GLRA1: variants seen among roughly 807,000 people sequenced by gnomAD.
GLRA1 encodes glycine receptor alpha 1.
A neutral mutation model predicts 48.3 loss-of-function variants in GLRA1; 37 were observed. That is an observed-to-expected ratio of 0.77 (90% CI 0.59 to 1.01). The LOEUF (loss-of-function observed/expected upper bound fraction) is 1.01, where lower values mean the gene tolerates loss of function less well. Ranked by LOEUF, GLRA1 falls within the 50% of genes least tolerant of loss-of-function variation. The pLI, the probability that GLRA1 is intolerant of heterozygous loss-of-function variation, is 0.00. For synonymous variants in GLRA1, 196 were observed against 210.7 expected (o/e 0.93, Z 0.60); for missense variants, 427 against 571.0 (o/e 0.75, Z 2.57).
chr5:151,910,246 T>C lies in GLRA1; in HGVS notation c.56+14248A>G, dbSNP rs190553336. Among the ~76,000 whole-genome samples the C allele has an allele frequency of 2.1e-3, 324 of 152,356 alleles. 2 individuals carry two copies. Among genetic ancestry groups the C allele is most frequent in the Non-Finnish European group, 2.9e-3 (198 of 68,032 alleles). On this transcript the variant is annotated intron_variant, in intron 1 of 8. Transcript: ENST00000274576. Reference sequence around the variant, plus strand: ...CAGGTTGCCTTTTATTAAGGTGGGCTCTAAGTTTGGTTGAATGCCCATACT... The same window carrying C: ...CAGGTTGCCTTTTATTAAGGTGGGCCCTAAGTTTGGTTGAATGCCCATACT...
rs896233048 is a variant in GLRA1, at chr5:151,854,917, C to T, written c.697+123G>A. 5.2e-6 allele frequency: 6 copies of T among 1,143,752 alleles called. No homozygotes were observed. In the African/African-American group the frequency reaches 9.1e-5, roughly 17 times the overall value. The allele number at this position is 1,143,752 out of a possible 1,614,324, so 70.9% of individuals were successfully genotyped here. On this transcript the variant is annotated intron_variant, in intron 6 of 8. Coordinates refer to ENST00000274576, the MANE Select transcript of GLRA1 (RefSeq NM_000171.4). ...TCAGAGCCACATTTTTGTTTCAAAACCTATTCTCTTAACCACTAGGTAATC... is the reference window on the plus strand; with the variant it reads ...TCAGAGCCACATTTTTGTTTCAAAATCTATTCTCTTAACCACTAGGTAATC...
chr5:151,895,266 T>C (rs1754202014), intron 1 of GLRA1, among the ~76,000 whole-genome samples: 1 of 152,180 alleles, frequency 6.6e-6, no homozygotes, highest in African/African-American at 2.4e-5. Context: ...GATGTGTGTG[T>C]ATGTGAGCTG....
At chr5:151,828,426 T>C (rs763554261) in intron 8 of GLRA1, among the ~76,000 whole-genome samples, 1 of 152,160 alleles carries the variant, frequency 6.6e-6, no homozygotes, top group Non-Finnish European at 1.5e-5. Flanking sequence ...ATCCCTCATA[T>C]GGAGAGAGAA....
chr5:151,829,717 C>T (rs1314571664), intron 7 of GLRA1, among the ~76,000 whole-genome samples: 2 of 152,168 alleles, frequency 1.3e-5, no homozygotes, highest in African/African-American at 2.4e-5. Context: ...AATTTTAGAA[C>T]ATTTTCATTA....
chr5:151,907,643 A>G (rs1402098585), intron 1 of GLRA1, among the ~76,000 whole-genome samples: 4 of 152,232 alleles, frequency 2.6e-5, no homozygotes, highest in Non-Finnish European at 5.9e-5. Flanking sequence ...TTAGAGTTCA[A>G]TCAATCGGAG....
At position 151,920,470 on chromosome 5, in the gene GLRA1, T is replaced by C. The variant is rs1307631060; in HGVS notation, c.56+4024A>G. Among the ~76,000 whole-genome samples the C allele has an allele frequency of 2.0e-5, 3 of 152,166 alleles. No homozygotes were observed. The East Asian group carries it at 5.8e-4, about 29-fold the overall frequency. ...CCTAAATATCCTCTGCTTAAGTCATTACCAGTTTGGCAAATATGCAGAAGT... is the reference window on the plus strand; with the variant it reads ...CCTAAATATCCTCTGCTTAAGTCATCACCAGTTTGGCAAATATGCAGAAGT... On this transcript the variant is annotated intron_variant, in intron 1 of 8. Coordinates refer to ENST00000274576, the MANE Select transcript of GLRA1 (RefSeq NM_000171.4).
chr5:151,898,734 G>A (rs1213637296), intron 1 of GLRA1, among the ~76,000 whole-genome samples: 1 of 152,158 alleles, frequency 6.6e-6, no homozygotes, highest in East Asian at 1.9e-4. Context: ...AGGGAGGTGG[G>A]AGGTGAAAGA....
intron 3 of GLRA1, among the ~76,000 whole-genome samples, chr5:151,872,511 A>G (rs1378945754): frequency 6.7e-6 from 1 of 150,026 alleles, no homozygotes; most frequent in Non-Finnish European, 1.5e-5. Context: ...TAAAAAAGTG[A>G]CTATTCTTTC....
chr5:151,842,271 T>TA (rs1283428485), intron 7 of GLRA1, among the ~76,000 whole-genome samples: 6 of 151,462 alleles, frequency 4.0e-5, no homozygotes, highest in African/African-American at 1.5e-4. Context: ...AAGAAGCAAG[T>TA]ATTACCCTGA....
At chr5:151,861,352 A>G (rs1274454187) in intron 3 of GLRA1, among the ~76,000 whole-genome samples, 2 of 152,158 alleles carry the variant, frequency 1.3e-5, no homozygotes, top group Non-Finnish European at 2.9e-5. Context: ...AACAGTGTAA[A>G]AGTGTTCCTA....
At chr5:151,900,195 C>T (rs1330711248) in intron 1 of GLRA1, among the ~76,000 whole-genome samples, 2 of 152,132 alleles carry the variant, frequency 1.3e-5, no homozygotes, top group Non-Finnish European at 2.9e-5. Context: ...AGGAGGCACT[C>T]AATCCCAGGG....
At chr5:151,838,937 G>A (rs1482807341) in intron 7 of GLRA1, among the ~76,000 whole-genome samples, 1 of 152,124 alleles carries the variant, frequency 6.6e-6, no homozygotes, top group African/African-American at 2.4e-5. Flanking sequence ...GCAGTGGCTA[G>A]ATCTCTGCTA....
Position 151,825,910 on chromosome 5 carries a change from T to G in GLRA1, c.1060-2947A>C, listed in dbSNP as rs1413269000. On this transcript the variant is annotated intron_variant, in intron 8 of 8. Transcript: ENST00000274576. ...AAAGAGAGTTTCTGCAGAAGAAGCT[T>G]GTACACCTCTAGGGTACAAATCACT... Among the ~76,000 whole-genome samples, 4 of 152,312 alleles carry G rather than the reference T, an allele frequency of 2.6e-5. No individual in the cohort carries two copies. The South Asian group carries it at 8.3e-4, about 32-fold the overall frequency.
rs1754133318 is a variant in GLRA1 at position 151,893,284 on chromosome 5, C to CTTTCTT, written c.57-852_57-847dup. 2.0e-4 allele frequency among the ~76,000 whole-genome samples: 5 copies of CTTTCTT among 25,564 alleles called. No individual in the cohort carries two copies. In the South Asian group the frequency reaches 7.7e-3, roughly 39 times the overall value. The allele number at this position is 25,564 out of a possible 152,430, so 16.8% of individuals were successfully genotyped here. A position where few individuals can be genotyped will look rare whatever the true frequency, so the allele number is the denominator to read the frequency against. Reference sequence around the variant, plus strand: ...AGAACATGACCCTCCCTCTGCCCAACTTTCTTTCTTTCTTTCTTTCTTTCT... The same window carrying CTTTCTT: ...AGAACATGACCCTCCCTCTGCCCAACTTTCTTTTTCTTTCTTTCTTTCTTTCTTTCT... On this transcript the variant is annotated intron_variant, in intron 1 of 8. Coordinates refer to ENST00000274576, the MANE Select transcript of GLRA1 (RefSeq NM_000171.4).
At chr5:151,885,033 T>A (rs552718445) in intron 3 of GLRA1, among the ~76,000 whole-genome samples, 1 of 152,194 alleles carries the variant, frequency 6.6e-6, no homozygotes, top group African/African-American at 2.4e-5. Context: ...CATTTGGAGA[T>A]AAGAGGCCTG....
chr5:151,920,081 C>A (rs1452735242), intron 1 of GLRA1, among the ~76,000 whole-genome samples: 1 of 152,232 alleles, frequency 6.6e-6, no homozygotes, highest in African/African-American at 2.4e-5. Context: ...GCATCTGTGC[C>A]TGCAGAGTGT....
At chr5:151,893,898 T>G (rs567890671) in intron 1 of GLRA1, among the ~76,000 whole-genome samples, 1 of 152,314 alleles carries the variant, frequency 6.6e-6, no homozygotes, top group East Asian at 1.9e-4. Flanking sequence ...CTGGGTCAAA[T>G]GGTATTTCTG....
Position 151,886,106 on chromosome 5 carries a change from C to CATTTTAA in GLRA1, c.252+614_252+615insTTAAAAT, listed in dbSNP as rs547395995. 3.8e-3 allele frequency among the ~76,000 whole-genome samples: 577 copies of CATTTTAA among 152,206 alleles called. 7 individuals are homozygous for CATTTTAA. Among genetic ancestry groups the CATTTTAA allele is most frequent in the African/African-American group, 0.013 (522 of 41,526 alleles). On this transcript the variant is annotated intron_variant, in intron 3 of 8. Coordinates refer to ENST00000274576, the MANE Select transcript of GLRA1 (RefSeq NM_000171.4). ...AAGTCTGAGAAAAGTTTTAAAATAT[C>CATTTTAA]ATTACACTTATTCATAATTACTAAT...
At chr5:151,872,150 A>G (rs1753501458) in intron 3 of GLRA1, among the ~76,000 whole-genome samples, 1 of 149,758 alleles carries the variant, frequency 6.7e-6, no homozygotes, top group South Asian at 2.1e-4. Flanking sequence ...ACTGTTTAAG[A>G]AATGGTGTTG....
Sources: gnomAD v4.1 joint callset for allele counts (sites outside exome capture counted in the v4.1 genomes callset) on GRCh38, gnomAD v4.1.1 for gene constraint, MANE v1.5 for transcripts, NCBI Gene and HGNC (gene_info 2026-07-23, HGNC 2026-07-21) for gene names.